The following ZNRF2 variants were observed in gnomAD, a reference collection of about 807,000 sequenced individuals.
ZNRF2 encodes the protein zinc and ring finger 2.
In ZNRF2, 16 loss-of-function variants were observed where a neutral mutation model predicts 20.4. That is an observed-to-expected ratio of 0.79 (90% confidence interval 0.53 to 1.19). The LOEUF is 1.19. Among genes scored for constraint, ZNRF2 ranks in the 50% most tolerant of loss-of-function variants. The probability of loss-of-function intolerance (pLI) is 0.00; values close to 1 mark genes in which losing one functional copy is unlikely to be tolerated. For missense variants in ZNRF2, 363 were observed against 332.4 expected (o/e 1.09, Z -0.72); for synonymous variants, 178 against 144.9 (o/e 1.23, Z -1.64).
chr7:30,323,816 TA>T, intron 2 of ZNRF2, 79 bp downstream of exon 2: 2 of 971,166 alleles, frequency 2.1e-6, no homozygotes, highest in South Asian at 2.0e-5. Flanking sequence ...AAGTATAATT[TA>T]AAAGGAGGGA....
In ZNRF2 at chr7:30,367,408, A is replaced by T. The variant is rs1483405303; in HGVS notation, c.*1396A>T. ...TAAGTAGGTTTTGTGTTTTCAACGT[A>T]GGGAAAATGTTATCAGTGAATAGGT... On this transcript the variant is annotated 3_prime_UTR_variant, in exon 5 of 5. Coordinates refer to ENST00000323037, the MANE Select transcript of ZNRF2 (RefSeq NM_147128.4). 1.3e-5 allele frequency: 2 copies of T among 152,412 alleles called. No individual in the cohort carries two copies. The highest frequency in any genetic ancestry group is 2.9e-5 in the Non-Finnish European group (2 of 67,886). The allele number at this position is 152,412 out of a possible 1,614,324, so 9.4% of individuals were successfully genotyped here. A position where few individuals can be genotyped will look rare whatever the true frequency, so the allele number is the denominator to read the frequency against.
At chr7:30,295,052 T>G (rs9918724) in intron 1 of ZNRF2, among the ~76,000 whole-genome samples, 8 of 39,422 alleles carry the variant, frequency 2.0e-4, no homozygotes, top group African/African-American at 6.5e-4. Context: ...AGAGAGAGAG[T>G]GTGTGTGTGT....
chr7:30,352,476 T>G (rs1799974557), intron 2 of ZNRF2, among the ~76,000 whole-genome samples: 2 of 152,094 alleles, frequency 1.3e-5, no homozygotes, highest in South Asian at 4.1e-4. Flanking sequence ...ATGCATAGAT[T>G]ACATGAATAA....
chr7:30,332,687 G>A (rs1199249255), intron 2 of ZNRF2, among the ~76,000 whole-genome samples: 1 of 152,236 alleles, frequency 6.6e-6, no homozygotes, highest in East Asian at 1.9e-4. Flanking sequence ...CATCCATATT[G>A]CTGCAAATGA....
chr7:30,301,703 A>T lies in ZNRF2; in HGVS notation c.469+15877A>T, dbSNP rs1043060542. ...TACAGGATAATGAGGCTTTTTTTAA[A>T]AAAAAAAAAAAAAAAAAAAACTTAT... On this transcript the variant is annotated intron_variant, in intron 1 of 4. Transcript: ENST00000323037. 3.0e-3 allele frequency among the ~76,000 whole-genome samples: 379 copies of T among 127,142 alleles called. 4 individuals are homozygous for T. Among genetic ancestry groups the T allele is most frequent in the African/African-American group, 0.017 (362 of 20,818 alleles). The allele number at this position is 127,142 out of a possible 152,430, so 83.4% of individuals were successfully genotyped here. A position where few individuals can be genotyped will look rare whatever the true frequency, so the allele number is the denominator to read the frequency against.
At chr7:30,327,634 A>G (rs963601021) in intron 2 of ZNRF2, among the ~76,000 whole-genome samples, 2 of 152,052 alleles carry the variant, frequency 1.3e-5, no homozygotes, top group African/African-American at 4.8e-5. Flanking sequence ...GCAATAAGTA[A>G]ATAAACTTGT....
intron 1 of ZNRF2, among the ~76,000 whole-genome samples, chr7:30,288,592 C>A (rs1157137802): frequency 6.6e-6 from 1 of 152,164 alleles, no homozygotes; most frequent in Non-Finnish European, 1.5e-5. Flanking sequence ...TCTGTTTTGG[C>A]TATATACACT....
intron 1 of ZNRF2, chr7:30,289,646 TTGC>T (rs1236680197): frequency 2.8e-6 from 1 of 356,488 alleles, no homozygotes. Context: ...GTTACATGTT[TTGC>T]TGTGTGTAAG....
intron 2 of ZNRF2, among the ~76,000 whole-genome samples, chr7:30,327,807 TC>T (rs1799577789): frequency 6.6e-6 from 1 of 152,054 alleles, no homozygotes; most frequent in Non-Finnish European, 1.5e-5. Flanking sequence ...GCACAAGTGA[TC>T]CTCCTACCTC....
intron 4 of ZNRF2, among the ~76,000 whole-genome samples, chr7:30,364,321 A>G (rs186441469): frequency 1.4e-4 from 21 of 152,322 alleles, no homozygotes; most frequent in African/African-American, 4.6e-4. Flanking sequence ...AAGACTGCCA[A>G]TTTTAACCTT....
intron 1 of ZNRF2, among the ~76,000 whole-genome samples, chr7:30,305,833 A>G (rs1278174489): frequency 6.6e-6 from 1 of 152,070 alleles, no homozygotes; most frequent in Non-Finnish European, 1.5e-5. Context: ...GAATTGGGAA[A>G]TTTTTCATAA....
At chr7:30,317,989 G>A (rs376375599) in intron 1 of ZNRF2, among the ~76,000 whole-genome samples, 9 of 152,214 alleles carry the variant, frequency 5.9e-5, no homozygotes, top group East Asian at 1.9e-4. Flanking sequence ...GCATTTCTAC[G>A]TAGGGGAGTG....
chr7:30,334,780 ATG>A (rs1306446775), intron 2 of ZNRF2, among the ~76,000 whole-genome samples: 2 of 152,300 alleles, frequency 1.3e-5, no homozygotes, highest in East Asian at 3.9e-4. Flanking sequence ...CTACAGTTTA[ATG>A]GAAAAATATA....
chr7:30,308,320 G>C (rs1799240544), intron 1 of ZNRF2, among the ~76,000 whole-genome samples: 1 of 152,000 alleles, frequency 6.6e-6, no homozygotes. Flanking sequence ...CCATTGTTGG[G>C]TGTTTGTTTC....
At chr7:30,344,359 G>C (rs1427038194) in intron 2 of ZNRF2, among the ~76,000 whole-genome samples, 1 of 151,108 alleles carries the variant, frequency 6.6e-6, no homozygotes, top group Non-Finnish European at 1.5e-5. Flanking sequence ...TAATTTTATA[G>C]AATACCTCTT....
intron 4 of ZNRF2, 91 bp from the exon 5 acceptor site, chr7:30,365,939 GATCAC>G (rs1800207237): frequency 6.6e-6 from 1 of 152,100 alleles, no homozygotes; most frequent in Non-Finnish European, 1.5e-5. Flanking sequence ...TTCTTCTCCA[GATCAC>G]TGATTTTATG....
intron 2 of ZNRF2, among the ~76,000 whole-genome samples, chr7:30,337,441 T>C (rs2127950976): frequency 6.6e-6 from 1 of 152,274 alleles, no homozygotes; most frequent in Non-Finnish European, 1.5e-5. Context: ...TATTAGCATT[T>C]TTTTGTATCA....
intron 1 of ZNRF2, among the ~76,000 whole-genome samples, chr7:30,302,567 C>T (rs1170727301): frequency 6.7e-6 from 1 of 149,950 alleles, no homozygotes; most frequent in Non-Finnish European, 1.5e-5. Flanking sequence ...AATTTTGTTA[C>T]CAAATTAGTG....
intron 3 of ZNRF2, 80 bp downstream of exon 3, chr7:30,355,913 T>G (rs756673280): frequency 2.8e-6 from 3 of 1,055,718 alleles, no homozygotes; most frequent in Non-Finnish European, 4.2e-6. Flanking sequence ...AAAAGGAATC[T>G]TCGTTGAAAC....
Sources: allele counts gnomAD v4.1 joint callset (sites outside exome capture counted in the v4.1 genomes callset), GRCh38; gene constraint gnomAD v4.1.1; transcripts MANE v1.5; gene names NCBI Gene and HGNC (gene_info 2026-07-23, HGNC 2026-07-21).